The following AREL1 variants were observed in gnomAD, a reference collection of about 807,000 sequenced individuals.
AREL1 encodes apoptosis-resistant E3 ubiquitin protein ligase 1.
AREL1 carries 62 observed loss-of-function variants against 99.0 expected under a neutral mutation model. The observed-to-expected ratio is 0.63, with a 90% CI of 0.51 to 0.77. The LOEUF is 0.77. Ranked by LOEUF, AREL1 falls within the 30% of genes least tolerant of loss-of-function variation. The pLI is 0.00. For synonymous variants in AREL1, 380 were observed against 376.5 expected (o/e 1.01, Z -0.11); for missense variants, 879 against 1,027.6 (o/e 0.86, Z 1.98).
chr14:74,681,764 A>G (rs2089633641), intron 5 of AREL1, among the ~76,000 whole-genome samples: 1 of 148,944 alleles, frequency 6.7e-6, no homozygotes, highest in Admixed American at 6.7e-5. Context: ...GCGAGACGCC[A>G]TCAAAAAAAA....
rs182877030 is a variant in AREL1, at chr14:74,702,820, G to C, written c.-334+10113C>G. On this transcript the variant is annotated intron_variant, in intron 1 of 19. Coordinates refer to ENST00000356357, the MANE Select transcript of AREL1 (RefSeq NM_001039479.2). ...ATTCAAAGTTCCACAGATTTCTAGG[G>C]CAGGAGCAAAATGATTCCAGTCTCC... Among the ~76,000 whole-genome samples, 89 of 152,208 alleles carry C rather than the reference G, an allele frequency of 5.8e-4. 3 individuals carry two copies. The highest frequency in any genetic ancestry group is 5.6e-3 in the Admixed American group (86 of 15,296).
chr14:74,664,865 C>T lies in AREL1; in HGVS notation c.2164G>A (p.Val722Ile). The change falls in exon 18 of 20, where the codon GTT becomes ATT. Residue 722 changes from valine (V) to isoleucine (I), a missense_variant. Val to Ile is a conservative substitution (Grantham distance 29). Coordinates refer to ENST00000356357, the MANE Select transcript of AREL1 (RefSeq NM_001039479.2). ...TCTCTGAAATGCCATGAGCCACCAA[C>T]AACTACTGCATGGGCTTTGAAGTCA... is the stretch of plus-strand genomic sequence containing the variant. ...VSDFKAHAVV[V>I]GGSWHFREKV... 6.2e-7 allele frequency: 1 copy of T among 1,613,860 alleles called. No individual in the cohort carries two copies. The highest frequency in any genetic ancestry group is 8.5e-7 in the Non-Finnish European group (1 of 1,179,820).
At position 74,674,058 on chromosome 14, in the gene AREL1, G is replaced by A. The variant is rs1311829780; in HGVS notation, c.1134C>T (p.Thr378=). ...YLKIIPWRLY[T]FRVCPGTKFS... is the part of the protein sequence containing the mutation. ...CTTTTGTTCCTGGACACACTCGGAA[G>A]GTGTAAAGGCGCCAGGGGATGATCT... Residue 378 remains threonine, a synonymous_variant, in exon 9 of 20, where the codon ACC becomes ACT. Transcript: ENST00000356357. 1 of 1,613,692 alleles carries A rather than the reference G, an allele frequency of 6.2e-7. No homozygotes were observed. Among genetic ancestry groups the A allele is most frequent in the South Asian group, 1.1e-5 (1 of 91,050 alleles).
intron 1 of AREL1, among the ~76,000 whole-genome samples, chr14:74,695,749 C>T (rs565149407): frequency 6.6e-6 from 1 of 152,220 alleles, no homozygotes; most frequent in African/African-American, 2.4e-5. Context: ...CCAAGGAACA[C>T]TGACCAGGTC....
Position 74,667,347 on chromosome 14 carries a change from A to G in AREL1, c.2075T>C (p.Leu692Ser), listed in dbSNP as rs1258418596. The change falls in exon 17 of 20, where the codon TTG (leucine) becomes TCG (serine). Residue 692 changes from leucine (L) to serine (S), a missense_variant. By Grantham distance (145) the Leu-to-Ser change is moderately radical (BLOSUM62 -2). Coordinates refer to ENST00000356357, the MANE Select transcript of AREL1 (RefSeq NM_001039479.2). ...GLNELVPENL[L>S]AIFDENELEL... Reference sequence around the variant, plus strand: ...AAGCTCATTCTCATCAAAAATAGCCAAAAGGTTCTCAGGGACCAATTCATT... The same window carrying G: ...AAGCTCATTCTCATCAAAAATAGCCGAAAGGTTCTCAGGGACCAATTCATT... 1 of 1,614,076 alleles carries G rather than the reference A, an allele frequency of 6.2e-7. No individual in the cohort carries two copies. The highest frequency in any genetic ancestry group is 8.5e-7 in the Non-Finnish European group (1 of 1,180,028).
Position 74,663,568 on chromosome 14 carries a change from G to T in AREL1, c.*152C>A, listed in dbSNP as rs752377833. On this transcript the variant is annotated 3_prime_UTR_variant, in exon 20 of 20. Transcript: ENST00000356357. ...AGGGAGCAGGTGAGGTAAAGACAAGGCTTGTAGGTGACAAAATCCTCCAGA... is the reference window on the plus strand; with the variant it reads ...AGGGAGCAGGTGAGGTAAAGACAAGTCTTGTAGGTGACAAAATCCTCCAGA... 1 of 800,136 alleles carries T rather than the reference G, an allele frequency of 1.2e-6. No individual in the cohort carries two copies. Among genetic ancestry groups the T allele is most frequent in the Non-Finnish European group, 2.1e-6 (1 of 472,914 alleles). 49.6% of individuals were successfully genotyped at this position (800,136 alleles called of 1,614,324 possible). A position where few individuals can be genotyped will look rare whatever the true frequency, so the allele number is the denominator to read the frequency against.
intron 19 of AREL1, 21 bp from the exon 20 acceptor site, chr14:74,663,843 T>C (rs2089142634): frequency 6.2e-7 from 1 of 1,614,022 alleles, no homozygotes; most frequent in South Asian, 1.1e-5. Flanking sequence ...AAGGGAGAAG[T>C]GATTAACTCA....
intron 1 of AREL1, among the ~76,000 whole-genome samples, chr14:74,697,278 A>C (rs2089995241): frequency 6.6e-6 from 1 of 152,238 alleles, no homozygotes; most frequent in Non-Finnish European, 1.5e-5. Context: ...ATGTCCACCA[A>C]ATGACAAGAC....
chr14:74,667,756 T>C (rs773195025), intron 15 of AREL1, among the ~76,000 whole-genome samples, 162 bp from the exon 16 acceptor site: 1 of 152,226 alleles, frequency 6.6e-6, no homozygotes, highest in Non-Finnish European at 1.5e-5. Flanking sequence ...TGGTTTAATT[T>C]AGTTCCTAAG....
intron 1 of AREL1, among the ~76,000 whole-genome samples, chr14:74,692,663 G>C (rs1224173764): frequency 6.6e-6 from 1 of 152,122 alleles, no homozygotes; most frequent in African/African-American, 2.4e-5. Context: ...TCAGCATAGA[G>C]GTTAAGAGCA....
intron 17 of AREL1, among the ~76,000 whole-genome samples, chr14:74,666,763 A>T (rs2089219112): frequency 7.1e-6 from 1 of 141,348 alleles, no homozygotes; most frequent in Non-Finnish European, 1.5e-5. Flanking sequence ...TCTGTTGCCC[A>T]GGCTGGAATG....
At position 74,663,967 on chromosome 14, in the gene AREL1, G is replaced by A. The variant is rs535117829; in HGVS notation, c.2301C>T (p.Ala767=). ...TAATCTGAAATGAGGGACAGAGGGC[G>A]GCAAAGCCTCCAGGTGGTAGCTGAG... ...GSSQLPPGGF[A]ALCPSFQIIA... Residue 767 remains alanine, a synonymous_variant, in exon 19 of 20, where the codon GCC becomes GCT. Transcript: ENST00000356357. The A allele has an allele frequency of 1.6e-4, 251 of 1,614,182 alleles. 1 individual carries two copies. Among genetic ancestry groups the A allele is most frequent in the Middle Eastern group, 1.6e-4 (1 of 6,062 alleles).
intron 1 of AREL1, among the ~76,000 whole-genome samples, chr14:74,695,493 C>T (rs540655920): frequency 1.3e-5 from 2 of 152,184 alleles, no homozygotes; most frequent in East Asian, 1.9e-4. Flanking sequence ...CTATCCCTAC[C>T]GTGAGCTACC....
intron 1 of AREL1, 62 bp from the exon 2 acceptor site, chr14:74,692,390 A>G (rs527900294): frequency 1.9e-5 from 7 of 363,500 alleles, no homozygotes; most frequent in Non-Finnish European, 3.2e-5. Context: ...AGGATTCCCC[A>G]GAAAAAAATC....
chr14:74,712,057 A>G (rs866803920), intron 1 of AREL1: 1,370 of 53,938 alleles, frequency 0.025, 25 homozygotes, highest in African/African-American at 0.1. Context: ...AAAAAAAAAA[A>G]AAAAAAAAAA....
intron 1 of AREL1, among the ~76,000 whole-genome samples, chr14:74,708,881 T>C (rs2090231465): frequency 6.6e-6 from 1 of 152,212 alleles, no homozygotes; most frequent in African/African-American, 2.4e-5. Flanking sequence ...AAACCCTATC[T>C]TGTAGAACAG....
chr14:74,678,798 T>TG (rs2089556767), intron 5 of AREL1, among the ~76,000 whole-genome samples: 1 of 152,038 alleles, frequency 6.6e-6, no homozygotes, highest in Non-Finnish European at 1.5e-5. Flanking sequence ...TAAAAACTTT[T>TG]GGGAAAAAAA....
intron 1 of AREL1, chr14:74,712,074 A>G (rs866235854): frequency 3.0e-4 from 36 of 120,284 alleles, no homozygotes; most frequent in African/African-American, 7.5e-4. Flanking sequence ...AAAAGAAAAA[A>G]AAAGAAAGAA....
intron 8 of AREL1, among the ~76,000 whole-genome samples, chr14:74,675,152 T>C (rs1469389278): frequency 1.3e-5 from 2 of 152,204 alleles, no homozygotes; most frequent in Non-Finnish European, 2.9e-5. Context: ...TTTATTCACT[T>C]ACCCATTTCC....
Sources: allele counts gnomAD v4.1 joint callset (sites outside exome capture counted in the v4.1 genomes callset), GRCh38; gene constraint gnomAD v4.1.1; transcripts MANE v1.5; gene names NCBI Gene and HGNC (gene_info 2026-07-23, HGNC 2026-07-21).